The following MCM9 variants were observed in gnomAD, a reference collection of about 807,000 sequenced individuals.
MCM9 encodes DNA helicase MCM9.
A neutral mutation model predicts 72.8 loss-of-function variants in MCM9; 55 were observed. The observed-to-expected ratio is 0.76, with a 90% CI of 0.61 to 0.95. The LOEUF (loss-of-function observed/expected upper bound fraction) is 0.95, where lower values mean the gene tolerates loss of function less well. Among genes scored for constraint, MCM9 ranks in the 40% least tolerant of loss-of-function variants. The pLI is 0.00. For synonymous variants in MCM9, 480 were observed against 503.4 expected (o/e 0.95, Z 0.62); for missense variants, 1,279 against 1,377.0 (o/e 0.93, Z 1.13).
At chr6:118,818,827 T>C (rs1773589063) in intron 13 of MCM9, among the ~76,000 whole-genome samples, 1 of 152,228 alleles carries the variant, frequency 6.6e-6, no homozygotes, top group Admixed American at 6.5e-5. Flanking sequence ...GTAGTTCTCC[T>C]TGAAGAGGTC....
At chr6:118,896,836 AT>A (rs11304871) in intron 8 of MCM9, among the ~76,000 whole-genome samples, 87,776 of 149,518 alleles carry the variant, frequency 0.59, 26,090 homozygotes, top group Admixed American at 0.67. Context: ...AAACTATAGA[AT>A]TTTTTTTTTT....
chr6:118,893,102 T>C (rs927965328), intron 8 of MCM9, among the ~76,000 whole-genome samples: 2 of 152,224 alleles, frequency 1.3e-5, no homozygotes, highest in East Asian at 1.9e-4. Flanking sequence ...CAAACCTTTA[T>C]ACCACTTACT....
chr6:118,918,015 T>G (rs1184238636), intron 5 of MCM9: 1 of 497,290 alleles, frequency 2.0e-6, no homozygotes, highest in Non-Finnish European at 3.6e-6. Context: ...TACATGATAA[T>G]CCTACAAAAT....
intron 3 of MCM9, among the ~76,000 whole-genome samples, chr6:118,927,194 A>AGAAAAAC (rs1342904921): frequency 6.6e-6 from 1 of 152,238 alleles, no homozygotes; most frequent in Non-Finnish European, 1.5e-5. Context: ...TATTAAAACA[A>AGAAAAAC]GAAAAACTAA....
intron 1 of MCM9, among the ~76,000 whole-genome samples, chr6:118,933,463 G>T (rs1045897088): frequency 2.0e-5 from 3 of 150,094 alleles, no homozygotes; most frequent in Non-Finnish European, 4.4e-5. Context: ...CCGAGACCAC[G>T]CCACTGCACT....
rs79301018 is a variant in MCM9, at chr6:118,815,438, G to T, written c.2818C>A (p.His940Asn). ...ATTTTAGTTGCACCAGGTGACACAT[G>T]GCTGTGATCTTCAAAGGAGTGGATC... Reference protein sequence around the residue: ...KLIHSFEDHSHVSPGATKIAV... With the variant: ...KLIHSFEDHSNVSPGATKIAV... Residue 940 changes from histidine to asparagine, a missense_variant, in exon 14 of 14, where the codon CAT (histidine) becomes AAT (asparagine). His to Asn is a moderately conservative substitution (Grantham distance 68). Coordinates refer to ENST00000619706, the MANE Select transcript of MCM9 (RefSeq NM_017696.3). 7.5e-4 allele frequency: 1,165 copies of T among 1,550,452 alleles called. 11 individuals are homozygous for T. The African/African-American group carries it at 0.014, about 19-fold the overall frequency.
At position 118,815,162 on chromosome 6, in the gene MCM9, T is replaced by C; in HGVS notation, c.3094A>G (p.Thr1032Ala). Residue 1032 changes from threonine to alanine, a missense_variant, in exon 14 of 14, where the codon ACT (threonine) becomes GCT (alanine). Transcript: ENST00000619706. ...TCTTCCTTTTTGTCTCCCTCACAAG[T>C]AAGATGAGCACACCCAGTCTCGTTC... ...LGNETGCAHLTCEGDKKEEVS... is the reference protein window; with the variant it reads ...LGNETGCAHLACEGDKKEEVS... 6.4e-7 allele frequency: 1 copy of C among 1,550,570 alleles called. No homozygotes were observed. Among genetic ancestry groups the C allele is most frequent in the Middle Eastern group, 1.7e-4 (1 of 5,994 alleles).
intron 13 of MCM9, among the ~76,000 whole-genome samples, chr6:118,821,834 CT>C (rs1373830518): frequency 6.6e-6 from 1 of 151,962 alleles, no homozygotes; most frequent in African/African-American, 2.4e-5. Flanking sequence ...ATTCTTTTTT[CT>C]TTTCCTAATC....
intron 8 of MCM9, among the ~76,000 whole-genome samples, chr6:118,892,017 C>T (rs376493695): frequency 6.6e-6 from 1 of 152,350 alleles, no homozygotes; most frequent in East Asian, 1.9e-4. Context: ...CTGATTGCCT[C>T]TGAAACCAGA....
chr6:118,912,293 T>C (rs1780610753), intron 7 of MCM9: 1 of 152,248 alleles, frequency 6.6e-6, no homozygotes, highest in Non-Finnish European at 1.5e-5. Context: ...TTAGGGATTT[T>C]ACAAGTACTT....
At chr6:118,897,082 T>C (rs1779473037) in intron 8 of MCM9, among the ~76,000 whole-genome samples, 2 of 152,238 alleles carry the variant, frequency 1.3e-5, no homozygotes, top group African/African-American at 4.8e-5. Context: ...CAAGCAGTCC[T>C]CCCACCCCTG....
At chr6:118,882,462 G>A (rs1778348219) in intron 8 of MCM9, among the ~76,000 whole-genome samples, 1 of 152,094 alleles carries the variant, frequency 6.6e-6, no homozygotes, top group Non-Finnish European at 1.5e-5. Context: ...AGAGAACCAG[G>A]GAAACAGCCA....
intron 3 of MCM9, among the ~76,000 whole-genome samples, chr6:118,924,667 A>G (rs1781729768): frequency 1.3e-5 from 2 of 152,220 alleles, no homozygotes; most frequent in South Asian, 4.1e-4. Flanking sequence ...GCCCTGACTT[A>G]CCTAGCGGTT....
chr6:118,860,575 T>C (rs1201245140), intron 8 of MCM9, among the ~76,000 whole-genome samples: 1 of 152,160 alleles, frequency 6.6e-6, no homozygotes, highest in African/African-American at 2.4e-5. Context: ...ATTGAAATAC[T>C]GTCAGACAAT....
At chr6:118,832,907 C>T (rs1384337605) in intron 9 of MCM9, among the ~76,000 whole-genome samples, 3 of 152,202 alleles carry the variant, frequency 2.0e-5, no homozygotes, top group Non-Finnish European at 4.4e-5. Context: ...TTCTTTCCAT[C>T]CTGGGAATAG....
intron 8 of MCM9, among the ~76,000 whole-genome samples, chr6:118,898,141 A>T (rs1002500808): frequency 2.0e-4 from 31 of 152,204 alleles, no homozygotes; most frequent in African/African-American, 6.8e-4. Context: ...TGATGTACAA[A>T]TTATGAATTT....
chr6:118,830,034 T>C (rs372310320), intron 9 of MCM9, among the ~76,000 whole-genome samples: 1 of 152,110 alleles, frequency 6.6e-6, no homozygotes, highest in Non-Finnish European at 1.5e-5. Context: ...GGGGCTCTAG[T>C]ACAATGGTCC....
At chr6:118,868,727 C>T (rs36157402) in intron 8 of MCM9, among the ~76,000 whole-genome samples, 110,932 of 152,134 alleles carry the variant, frequency 0.73, 41,484 homozygotes, top group South Asian at 0.83. Flanking sequence ...TACCATCTCA[C>T]GCCAGCTAGA....
At chr6:118,915,125 TAGGACTGGGGTCCCAGAGAGAAGCAAA>T (rs1428856100) in intron 6 of MCM9, among the ~76,000 whole-genome samples, 1 of 152,188 alleles carries the variant, frequency 6.6e-6, no homozygotes, top group Non-Finnish European at 1.5e-5. Context: ...ACTACAAAGG[TAGGACTGGGGTCCCAGAGAGAAGCAAA>T]AAGGAAGGGC....
Sources: allele counts gnomAD v4.1 joint callset (sites outside exome capture counted in the v4.1 genomes callset), GRCh38; gene constraint gnomAD v4.1.1; transcripts MANE v1.5; gene names NCBI Gene and HGNC (gene_info 2026-07-23, HGNC 2026-07-21).